The following DHODH variants were observed in gnomAD, a reference collection of about 807,000 sequenced individuals.
The protein encoded by DHODH is dihydroorotate dehydrogenase (quinone).
Under a neutral mutation model 39.7 loss-of-function variants are expected in DHODH, and 30 were observed. The ratio of observed to expected loss-of-function variants is 0.76; its 90% CI spans 0.57 to 1.02. The LOEUF (loss-of-function observed/expected upper bound fraction) is 1.02, where lower values mean the gene tolerates loss of function less well. DHODH is among the 50% of genes least tolerant of loss of function. The pLI is 0.00. For missense variants in DHODH, 531 were observed against 520.8 expected (o/e 1.02, Z -0.19); for synonymous variants, 222 against 213.8 (o/e 1.04, Z -0.34).
At chr16:72,017,507 CTT>C (rs2041154671) in intron 4 of DHODH, among the ~76,000 whole-genome samples, 1 of 152,128 alleles carries the variant, frequency 6.6e-6, no homozygotes, top group Non-Finnish European at 1.5e-5. Flanking sequence ...TTATAGAAGA[CTT>C]AGTAAATACA....
intron 1 of DHODH, among the ~76,000 whole-genome samples, chr16:72,009,546 G>C (rs946037244): frequency 1.4e-5 from 2 of 146,266 alleles, no homozygotes; most frequent in African/African-American, 2.6e-5. Context: ...TAGGTGTTCA[G>C]ATATTTGTTG....
rs770520210 is a variant in DHODH, at chr16:72,023,270, C to T, written c.925C>T (p.Arg309Trp). 72 of 1,614,078 alleles carry T rather than the reference C, an allele frequency of 4.5e-5. No individual in the cohort carries two copies. Among genetic ancestry groups the T allele is most frequent in the East Asian group, 1.3e-4 (6 of 44,896 alleles). ...AGGAGGGCTGAGTGGGAAGCCCCTCCGGGATTTATCAACTCAAACCATTCG... is the reference window on the plus strand; with the variant it reads ...AGGAGGGCTGAGTGGGAAGCCCCTCTGGGATTTATCAACTCAAACCATTCG... ...ETGGLSGKPLRDLSTQTIREM... is the reference protein window; with the variant it reads ...ETGGLSGKPLWDLSTQTIREM... The change falls in exon 7 of 9, where the codon CGG becomes TGG. Residue 309 changes from arginine (R) to tryptophan (W), a missense_variant. By Grantham distance (101) the Arg-to-Trp change is moderately radical. Coordinates refer to ENST00000219240, the MANE Select transcript of DHODH (RefSeq NM_001361.5).
chr16:72,020,333 A>ATATATATATATATATATATATATGTG (rs2041192453), intron 4 of DHODH: 2 of 91,848 alleles, frequency 2.2e-5, no homozygotes, highest in Non-Finnish European at 4.4e-5. Flanking sequence ...ATATGTGTAT[A>ATATATATATATATATATATATATGTG]TATATATATA....
chr16:72,023,099 C>T (rs1235079218), intron 6 of DHODH, 66 bp from the exon 7 acceptor site: 10 of 1,590,850 alleles, frequency 6.3e-6, no homozygotes, highest in Non-Finnish European at 8.6e-6. Context: ...CCTTCGACCT[C>T]CAGAGAAGCG....
rs546718741 is a variant in DHODH, at chr16:72,027,121, C to G, written c.*2922C>G. ...ACACTATTCTCCTGCCTCAGCCTCC[C>G]GAGTAGCTGGGACTACAGGCGCCTG... is the stretch of plus-strand genomic sequence containing the variant. On this transcript the variant is annotated 3_prime_UTR_variant, in exon 9 of 9. Coordinates refer to ENST00000219240, the MANE Select transcript of DHODH (RefSeq NM_001361.5). 2 of 152,180 alleles carry G rather than the reference C, an allele frequency of 1.3e-5. No individual in the cohort carries two copies. The highest frequency in any genetic ancestry group is 2.9e-5 in the Non-Finnish European group (2 of 68,160). The allele number at this position is 152,180 out of a possible 1,614,324, so 9.4% of individuals were successfully genotyped here. A position where few individuals can be genotyped will look rare whatever the true frequency, so the allele number is the denominator to read the frequency against.
chr16:72,022,159 G>A (rs1045424774), intron 5 of DHODH, among the ~76,000 whole-genome samples: 9 of 151,758 alleles, frequency 5.9e-5, no homozygotes, highest in Non-Finnish European at 1.2e-4. Flanking sequence ...CAATGTCCAC[G>A]GGATCCCTTG....
chr16:72,021,418 A>G (rs2041216166), intron 5 of DHODH, 107 bp downstream of exon 5: 2 of 1,252,066 alleles, frequency 1.6e-6, no homozygotes, highest in African/African-American at 3.0e-5. Flanking sequence ...AGCTGTCCTT[A>G]GCACCTAGAC....
At chr16:72,013,352 G>T (rs895216239) in intron 2 of DHODH, among the ~76,000 whole-genome samples, 1 of 152,126 alleles carries the variant, frequency 6.6e-6, no homozygotes, top group African/African-American at 2.4e-5. Context: ...TGCAGAGATG[G>T]GGTGAATTTA....
rs568944444 is a variant in DHODH at position 72,022,433 on chromosome 16, C to A, written c.777C>A (p.Leu259=). 5.1e-6 allele frequency: 8 copies of A among 1,556,994 alleles called. No individual in the cohort carries two copies. The African/African-American group carries it at 8.2e-5, about 16-fold the overall frequency. The stretch of plus-strand genomic sequence containing the variant: ...TCCTGGTGAAGATCGCTCCTGACCT[C>A]ACCAGCCAGGATAAGGAGGACATTG... The part of the protein sequence containing the change: ...PAVLVKIAPD[L]TSQDKEDIAS... Residue 259 remains leucine (L), a synonymous_variant, in exon 6 of 9, where the codon CTC becomes CTA. Transcript: ENST00000219240.
intron 3 of DHODH, among the ~76,000 whole-genome samples, chr16:72,014,912 C>G (rs1243796443): frequency 6.6e-6 from 1 of 152,166 alleles, no homozygotes; most frequent in East Asian, 1.9e-4. Flanking sequence ...CTAAATAACT[C>G]CGCTTCGGTC....
chr16:72,023,416 G>A, intron 7 of DHODH, 58 bp from the exon 8 acceptor site: 1 of 1,613,984 alleles, frequency 6.2e-7, no homozygotes, highest in Non-Finnish European at 8.5e-7. Flanking sequence ...TGATTGTGGG[G>A]GACTCTGGGG....
At chr16:72,014,058 C>T (rs377658019) in intron 2 of DHODH, among the ~76,000 whole-genome samples, 4 of 152,256 alleles carry the variant, frequency 2.6e-5, no homozygotes, top group African/African-American at 2.4e-5. Context: ...CTGCTTGACA[C>T]GCCTTGGTTT....
Position 72,024,184 on chromosome 16 carries a change from A to C in DHODH, c.1173A>C (p.Ala391=). 1 of 1,614,224 alleles carries C rather than the reference A, an allele frequency of 6.2e-7. No individual in the cohort carries two copies. Among genetic ancestry groups the C allele is most frequent in the South Asian group, 1.1e-5 (1 of 91,086 alleles). Residue 391 remains alanine (A), a synonymous_variant, in exon 9 of 9, where the codon GCA becomes GCC. Transcript: ENST00000219240. ...GCGGAGTCACAGATGCCATTGGAGCAGATCATCGGAGGTGAGGACAGCGTC... is the reference window on the plus strand; with the variant it reads ...GCGGAGTCACAGATGCCATTGGAGCCGATCATCGGAGGTGAGGACAGCGTC... ...GFGGVTDAIG[A]DHRR
chr16:72,021,070 AGGTG>A (rs1455692604), intron 4 of DHODH, 50 bp from the exon 5 acceptor site: 1 of 1,531,576 alleles, frequency 6.5e-7, no homozygotes, highest in African/African-American at 1.4e-5. Context: ...CAGCCTCAGA[AGGTG>A]GCACAGGAAA....
chr16:72,022,484 C>A lies in DHODH; in HGVS notation c.819+9C>A. On this transcript the variant is annotated intron_variant, in intron 6 of 8. Transcript: ENST00000219240. ...CCAGTGTGGTCAAAGAGGTTTGAGT[C>A]GGGGCCTGGGCCCAGGGTGTGCCTC... 1 of 1,547,762 alleles carries A rather than the reference C, an allele frequency of 6.5e-7. No individual in the cohort carries two copies. Among genetic ancestry groups the A allele is most frequent in the South Asian group, 1.2e-5 (1 of 83,978 alleles).
At position 72,012,276 on chromosome 16, in the gene DHODH, A is replaced by G; in HGVS notation, c.234+14A>G. ...TCTGACATGCTGGTAGTGCTCCCAG[A>G]CACCCTATACATTAAATACAAAGGC... On this transcript the variant is annotated intron_variant, in intron 2 of 8. Transcript: ENST00000219240. 1.2e-6 allele frequency: 2 copies of G among 1,611,068 alleles called. No homozygotes were observed. Among genetic ancestry groups the G allele is most frequent in the Non-Finnish European group, 1.7e-6 (2 of 1,177,324 alleles).
Position 72,021,108 on chromosome 16 carries a change from C to T in DHODH, c.518-16C>T. On this transcript the variant is annotated splice_polypyrimidine_tract_variant and intron_variant, in intron 4 of 8. Transcript: ENST00000219240. ...AAGGGTGTGCGGGGTGCAGGCCTGA[C>T]CAGCGATGTTTGCAGATGGACTGCC... 6.3e-7 allele frequency: 1 copy of T among 1,596,378 alleles called. No homozygotes were observed. Among genetic ancestry groups the T allele is most frequent in the Non-Finnish European group, 8.5e-7 (1 of 1,171,152 alleles).
intron 6 of DHODH, 57 bp from the exon 7 acceptor site, chr16:72,023,108 C>A: frequency 6.2e-7 from 1 of 1,601,708 alleles, no homozygotes; most frequent in Non-Finnish European, 8.5e-7. Context: ...TCCAGAGAAG[C>A]GCCTCTGGGT....
chr16:72,023,186 G>C lies in DHODH; in HGVS notation c.841G>C (p.Val281Leu). 1 of 1,614,178 alleles carries C rather than the reference G, an allele frequency of 6.2e-7. No homozygotes were observed. The highest frequency in any genetic ancestry group is 8.5e-7 in the Non-Finnish European group (1 of 1,180,038). Residue 281 changes from valine to leucine, a missense_variant, in exon 7 of 9, where the codon GTT becomes CTT. Transcript: ENST00000219240. ...VKELGIDGLI[V>L]TNTTVSRPAG... ...GCAGTTGGGCATCGATGGGCTGATT[G>C]TTACGAACACCACCGTGAGTCGCCC...
Sources: gnomAD v4.1 joint callset for allele counts (sites outside exome capture counted in the v4.1 genomes callset) on GRCh38, gnomAD v4.1.1 for gene constraint, MANE v1.5 for transcripts, NCBI Gene and HGNC (gene_info 2026-07-23, HGNC 2026-07-21) for gene names.